The following RBFOX1 variants were observed in gnomAD, a reference collection of about 807,000 sequenced individuals.
The protein encoded by RBFOX1 is RNA binding protein fox-1 homolog 1.
In RBFOX1, 8 loss-of-function variants were observed where a neutral mutation model predicts 57.7. The ratio of observed to expected loss-of-function variants is 0.14; its 90% CI spans 0.08 to 0.25. The LOEUF is 0.25. RBFOX1 is among the 10% of genes least tolerant of loss of function. RBFOX1 has a pLI of 1.00. For missense variants in RBFOX1, 611 were observed against 548.5 expected (o/e 1.11, Z -1.14); for synonymous variants, 326 against 222.4 (o/e 1.47, Z -4.15).
At chr16:7,061,932 G>A (rs886281465) in intron 4 of RBFOX1, among the ~76,000 whole-genome samples, 1 of 152,102 alleles carries the variant, frequency 6.6e-6, no homozygotes, top group Non-Finnish European at 1.5e-5. Context: ...TCCAGTTGGG[G>A]GTAGGAAGGG....
chr16:6,716,253 G>T (rs188869605), intron 3 of RBFOX1, among the ~76,000 whole-genome samples: 4 of 152,242 alleles, frequency 2.6e-5, no homozygotes, highest in African/African-American at 9.6e-5. Flanking sequence ...TTTCCCCTTT[G>T]CCTGGATTAC....
chr16:7,685,620 T>G (rs979799809), intron 14 of RBFOX1, among the ~76,000 whole-genome samples: 1 of 152,114 alleles, frequency 6.6e-6, no homozygotes, highest in African/African-American at 2.4e-5. Context: ...TATCAATAAC[T>G]CGGTTTCAGA....
intron 2 of RBFOX1, among the ~76,000 whole-genome samples, chr16:6,651,839 G>C (rs550417653): frequency 2.0e-5 from 3 of 152,120 alleles, no homozygotes; most frequent in Admixed American, 1.3e-4. Context: ...CTTATGAATG[G>C]ATAAACCAAA....
intron 12 of RBFOX1, among the ~76,000 whole-genome samples, chr16:7,664,227 G>T (rs1356543939): frequency 6.6e-6 from 1 of 152,060 alleles, no homozygotes; most frequent in Non-Finnish European, 1.5e-5. Context: ...TCCTGCACTT[G>T]TCCATATTAA....
intron 1 of RBFOX1, among the ~76,000 whole-genome samples, chr16:5,367,327 G>C (rs1205463235): frequency 6.6e-6 from 1 of 152,170 alleles, no homozygotes; most frequent in Non-Finnish European, 1.5e-5. Context: ...GACCTGCCCA[G>C]AACACAGGCT....
intron 1 of RBFOX1, among the ~76,000 whole-genome samples, chr16:5,271,328 G>T (rs1469676466): frequency 2.0e-5 from 3 of 151,848 alleles, no homozygotes; most frequent in African/African-American, 4.8e-5. Flanking sequence ...CTGCACTCCA[G>T]CCTGGATTGC....
intron 1 of RBFOX1, among the ~76,000 whole-genome samples, chr16:5,247,534 G>T (rs548521051): frequency 2.6e-5 from 4 of 152,194 alleles, no homozygotes; most frequent in Non-Finnish European, 5.9e-5. Flanking sequence ...GGTCCTTGGA[G>T]ATCACGCTGT....
intron 4 of RBFOX1, among the ~76,000 whole-genome samples, chr16:7,091,837 A>G (rs190379932): frequency 6.6e-6 from 1 of 152,340 alleles, no homozygotes; most frequent in Admixed American, 6.5e-5. Flanking sequence ...CCTGATTTGT[A>G]GATTCTATGT....
intron 5 of RBFOX1, among the ~76,000 whole-genome samples, chr16:7,532,853 C>A (rs956712267): frequency 6.6e-6 from 1 of 152,178 alleles, no homozygotes; most frequent in African/African-American, 2.4e-5. Context: ...TATTGTTTGA[C>A]CCTCAACAGA....
Position 6,473,032 on chromosome 16 carries a change from G to A in RBFOX1, c.-64+155975G>A, listed in dbSNP as rs575099710. On this transcript the variant is annotated intron_variant, in intron 2 of 15. Coordinates refer to ENST00000550418, the MANE Select transcript of RBFOX1 (RefSeq NM_018723.4). ...CTTCCACCTTTACAAGATGTATGCT[G>A]GTATAACAGAGAGGAACACCCATGA... Among the ~76,000 whole-genome samples, 16 of 152,148 alleles carry A rather than the reference G, an allele frequency of 1.1e-4. No homozygotes were observed. The East Asian group carries it at 2.3e-3, about 22-fold the overall frequency.
chr16:7,413,465 C>G (rs1359253446), intron 4 of RBFOX1, among the ~76,000 whole-genome samples: 1 of 152,138 alleles, frequency 6.6e-6, no homozygotes, highest in Non-Finnish European at 1.5e-5. Context: ...GCATTTCTCA[C>G]AAGATCCAAG....
chr16:7,296,338 G>T (rs185135637), intron 4 of RBFOX1, among the ~76,000 whole-genome samples: 21 of 149,448 alleles, frequency 1.4e-4, no homozygotes, highest in African/African-American at 4.9e-4. Flanking sequence ...CAGTGTATGT[G>T]AGTTTATGTG....
chr16:6,580,319 C>A (rs1034870149), intron 2 of RBFOX1, among the ~76,000 whole-genome samples: 1 of 152,148 alleles, frequency 6.6e-6, no homozygotes, highest in Non-Finnish European at 1.5e-5. Context: ...TTTTTATTCA[C>A]CTCAGTTTGC....
intron 4 of RBFOX1, among the ~76,000 whole-genome samples, chr16:5,928,684 C>T (rs1370302213): frequency 6.7e-6 from 1 of 148,266 alleles, no homozygotes. Flanking sequence ...CTTTCACTCT[C>T]TGTGCTTCTG....
chr16:5,376,266 T>A (rs1290828870), intron 1 of RBFOX1, among the ~76,000 whole-genome samples: 1 of 152,022 alleles, frequency 6.6e-6, no homozygotes, highest in Non-Finnish European at 1.5e-5. Context: ...TCTGAGAGCA[T>A]GCGCGGAACT....
chr16:5,838,106 A>G (rs576644463), intron 3 of RBFOX1: 1 of 153,534 alleles, frequency 6.5e-6, no homozygotes, highest in South Asian at 2.1e-4. Context: ...ATGCAAGGTT[A>G]ATTTTGTTAA....
intron 1 of RBFOX1, among the ~76,000 whole-genome samples, chr16:6,262,272 A>C (rs1421105321): frequency 2.0e-5 from 3 of 152,148 alleles, no homozygotes; most frequent in African/African-American, 7.2e-5. Context: ...CCTCTCTTTA[A>C]GGGTACTTCC....
chr16:6,775,316 C>T (rs904519967), intron 3 of RBFOX1, among the ~76,000 whole-genome samples: 6 of 123,136 alleles, frequency 4.9e-5, no homozygotes, highest in Non-Finnish European at 9.5e-5. Context: ...GGCGATACAG[C>T]GAGACTCTGT....
At chr16:6,245,710 G>T (rs1276720697) in intron 1 of RBFOX1, among the ~76,000 whole-genome samples, 1 of 152,106 alleles carries the variant, frequency 6.6e-6, no homozygotes, top group Non-Finnish European at 1.5e-5. Context: ...ATGAAGCAGG[G>T]CACAAAAGCT....
Sources: allele counts gnomAD v4.1 joint callset (sites outside exome capture counted in the v4.1 genomes callset), GRCh38; gene constraint gnomAD v4.1.1; transcripts MANE v1.5; gene names NCBI Gene and HGNC (gene_info 2026-07-23, HGNC 2026-07-21).